Variants in PCDHA8 observed in about 807,000 individuals in gnomAD.
PCDHA8 encodes the protein protocadherin alpha-8.
In PCDHA8, 53 loss-of-function variants were observed where a neutral mutation model predicts 61.8. The ratio of observed to expected loss-of-function variants is 0.86; its 90% CI spans 0.69 to 1.08. The LOEUF (loss-of-function observed/expected upper bound fraction) is 1.08. PCDHA8 is among the 50% of genes least tolerant of loss of function. The pLI is 0.00. For missense variants in PCDHA8, 1,293 were observed against 1,245.0 expected, an observed-to-expected ratio of 1.04 and a Z score of -0.58; for synonymous variants, 618 against 556.6, an observed-to-expected ratio of 1.11 and a Z score of -1.55.
Position 140,949,482 on chromosome 5 carries a change from A to G in PCDHA8, c.2395-29467A>G, listed in dbSNP as rs1435722195. Among the ~76,000 whole-genome samples, 4 of 151,834 alleles carry G rather than the reference A, an allele frequency of 2.6e-5. No homozygotes were observed. The South Asian group carries it at 8.3e-4, about 31-fold the overall frequency. ...TGAAGCCCTGTTATTAGGCACACACATTGATGATTATTATAATTTCCTGAT... is the reference window on the plus strand; with the variant it reads ...TGAAGCCCTGTTATTAGGCACACACGTTGATGATTATTATAATTTCCTGAT... On this transcript the variant is annotated intron_variant, in intron 1 of 3. Transcript: ENST00000531613.
At chr5:141,001,223 A>G (rs1349302343) in intron 3 of PCDHA8, among the ~76,000 whole-genome samples, 6 of 152,228 alleles carry the variant, frequency 3.9e-5, no homozygotes, top group Non-Finnish European at 8.8e-5. Context: ...AAGGATAGTT[A>G]CATTTAATCT....
intron 1 of PCDHA8, chr5:140,927,638 G>A (rs781909639): frequency 1.2e-6 from 2 of 1,614,142 alleles, no homozygotes; most frequent in Admixed American, 1.7e-5. Context: ...GCACCCAATG[G>A]GACTGTGTTA....
At chr5:140,981,378 A>G (rs1386165836) in intron 2 of PCDHA8, among the ~76,000 whole-genome samples, 3 of 152,186 alleles carry the variant, frequency 2.0e-5, no homozygotes, top group Non-Finnish European at 4.4e-5. Flanking sequence ...GTTCAAGACC[A>G]GCCTGGTCAA....
Position 140,882,982 on chromosome 5 carries a change from C to T in PCDHA8, c.2394+39267C>T, listed in dbSNP as rs139888237. 2.9e-5 allele frequency: 47 copies of T among 1,614,148 alleles called. No individual in the cohort carries two copies. The East Asian group carries it at 3.6e-4, about 12-fold the overall frequency. On this transcript the variant is annotated intron_variant, in intron 1 of 3. Coordinates refer to ENST00000531613, the MANE Select transcript of PCDHA8 (RefSeq NM_018911.3). The stretch of plus-strand genomic sequence containing the variant: ...TCACGATTCTGGACGTGAATGACAA[C>T]GCCCCGGAATTTTACCAATCCGTTT...
At chr5:140,886,368 C>T (rs1174734883) in intron 1 of PCDHA8, among the ~76,000 whole-genome samples, 2 of 152,040 alleles carry the variant, frequency 1.3e-5, no homozygotes, top group South Asian at 4.1e-4. Context: ...GGTGTACATG[C>T]CATGGTGTGC....
chr5:140,900,717 A>G (rs2068252980), intron 1 of PCDHA8, among the ~76,000 whole-genome samples: 1 of 152,136 alleles, frequency 6.6e-6, no homozygotes, highest in South Asian at 2.1e-4. Flanking sequence ...AAGAAAGGAA[A>G]TCCTACCTAG....
intron 1 of PCDHA8, chr5:140,877,684 A>G (rs1247391418): frequency 1.9e-6 from 3 of 1,613,650 alleles, no homozygotes; most frequent in Non-Finnish European, 2.5e-6. Flanking sequence ...GGGCAAGCCC[A>G]CGCTGGTGTG....
intron 2 of PCDHA8, 35 bp from the exon 3 acceptor site, chr5:140,982,440 A>C: frequency 6.2e-6 from 10 of 1,613,042 alleles, no homozygotes; most frequent in Non-Finnish European, 8.5e-6. Context: ...AGAATTTATG[A>C]TCTAACCGTT....
chr5:140,922,072 A>G (rs1390677282), intron 1 of PCDHA8, among the ~76,000 whole-genome samples: 1 of 152,198 alleles, frequency 6.6e-6, no homozygotes. Flanking sequence ...AATCCCACTA[A>G]GCAAAAAGTG....
chr5:140,982,420 G>A, intron 2 of PCDHA8, 55 bp from the exon 3 acceptor site: 1 of 1,611,062 alleles, frequency 6.2e-7, no homozygotes, highest in Non-Finnish European at 8.5e-7. Context: ...GGTGGAAGAA[G>A]AGATGGGAAA....
At chr5:140,898,471 C>G (rs1421437999) in intron 1 of PCDHA8, among the ~76,000 whole-genome samples, 1 of 152,108 alleles carries the variant, frequency 6.6e-6, no homozygotes, top group African/African-American at 2.4e-5. Flanking sequence ...GCTTGTTTTT[C>G]TCAGGTTTGT....
At chr5:140,882,333 C>A in intron 1 of PCDHA8, 1 of 1,614,220 alleles carries the variant, frequency 6.2e-7, no homozygotes, top group Non-Finnish European at 8.5e-7. Context: ...CTGATCCTCG[C>A]AGCCTGGGAG....
chr5:140,991,748 T>C (rs1192231997), intron 3 of PCDHA8, among the ~76,000 whole-genome samples: 4 of 152,224 alleles, frequency 2.6e-5, no homozygotes, highest in Non-Finnish European at 4.4e-5. Flanking sequence ...AGGCTCTTTC[T>C]ATCATGCTCT....
chr5:140,873,012 T>G (rs542650049), intron 1 of PCDHA8, among the ~76,000 whole-genome samples: 1 of 152,192 alleles, frequency 6.6e-6, no homozygotes. Context: ...TTCTTCATAT[T>G]TAGTTATTCT....
intron 1 of PCDHA8, among the ~76,000 whole-genome samples, chr5:140,922,066 C>A (rs1438475640): frequency 2.0e-5 from 3 of 151,528 alleles, no homozygotes; most frequent in Non-Finnish European, 4.4e-5. Context: ...TGTAGCAATC[C>A]CACTAAGCAA....
intron 3 of PCDHA8, among the ~76,000 whole-genome samples, chr5:141,005,772 G>A (rs1554260355): frequency 6.9e-6 from 1 of 144,526 alleles, no homozygotes; most frequent in South Asian, 2.2e-4. Flanking sequence ...CAAACCAGAT[G>A]TGTAAAGATC....
chr5:140,962,171 G>T (rs1218733161), intron 1 of PCDHA8, among the ~76,000 whole-genome samples: 1 of 151,902 alleles, frequency 6.6e-6, no homozygotes, highest in Admixed American at 6.6e-5. Flanking sequence ...CACCACACCC[G>T]GCCACTTATA....
chr5:140,914,957 T>C (rs1355119889), intron 1 of PCDHA8, among the ~76,000 whole-genome samples: 1 of 150,770 alleles, frequency 6.6e-6, no homozygotes, highest in Non-Finnish European at 1.5e-5. Flanking sequence ...TTTTTTTTTT[T>C]TTTTTCTGAG....
chr5:140,880,528 A>T lies in PCDHA8; in HGVS notation c.2394+36813A>T, dbSNP rs539592135. ...GTTTGGTCACATCTCTCAATGTGTGAATCATCTGAAAGTGAACTGATGGAA... is the reference window on the plus strand; with the variant it reads ...GTTTGGTCACATCTCTCAATGTGTGTATCATCTGAAAGTGAACTGATGGAA... On this transcript the variant is annotated intron_variant, in intron 1 of 3. Coordinates refer to ENST00000531613, the MANE Select transcript of PCDHA8 (RefSeq NM_018911.3). 7.9e-5 allele frequency among the ~76,000 whole-genome samples: 12 copies of T among 152,354 alleles called. No homozygotes were observed. The East Asian group carries it at 2.3e-3, about 29-fold the overall frequency.
Sources: gnomAD v4.1 joint callset for allele counts (sites outside exome capture counted in the v4.1 genomes callset) on GRCh38, gnomAD v4.1.1 for gene constraint, MANE v1.5 for transcripts, NCBI Gene and HGNC (gene_info 2026-07-23, HGNC 2026-07-21) for gene names.